Variants in NCAPD3 observed in about 807,000 individuals in gnomAD.
The protein encoded by NCAPD3 is condensin-2 complex subunit D3.
A neutral mutation model predicts 182.9 loss-of-function variants in NCAPD3; 105 were observed. The observed-to-expected ratio is 0.57, with a 90% CI of 0.49 to 0.68. The LOEUF (loss-of-function observed/expected upper bound fraction) is 0.68, where lower values mean the gene tolerates loss of function less well. Ranked by LOEUF, NCAPD3 falls within the 30% of genes least tolerant of loss-of-function variation. NCAPD3 has a pLI of 0.00. For synonymous variants in NCAPD3, 815 were observed against 679.9 expected, an observed-to-expected ratio of 1.20 and a Z score of -3.09; for missense variants, 1,944 against 1,837.0, an observed-to-expected ratio of 1.06 and a Z score of -1.07.
At chr11:134,175,124 G>A (rs1353690267) in intron 24 of NCAPD3, among the ~76,000 whole-genome samples, 1 of 152,198 alleles carries the variant, frequency 6.6e-6, no homozygotes, top group East Asian at 1.9e-4. Flanking sequence ...ACACCCATAT[G>A]TACAAATCCC....
upstream of NCAPD3, chr11:134,224,963 C>T (rs1938408931): frequency 6.7e-6 from 3 of 449,486 alleles, no homozygotes; most frequent in Admixed American, 5.1e-5. Flanking sequence ...GCCGGCTGTC[C>T]GTCGGCGCCC....
Position 134,208,933 on chromosome 11 carries a change from T to C in NCAPD3, c.813A>G (p.Lys271=), listed in dbSNP as rs1937719240. The change falls in exon 7 of 35, where the codon AAA becomes AAG. Residue 271 remains lysine, a synonymous_variant. Transcript: ENST00000534548. ...VTQARALNQA[K]YIPELAYYGL... ...CATAATAAGCCAGTTCTGGTATGTA[T>C]TTTGCTTGGTTAAGAGCTCTAAAAA... The C allele has an allele frequency of 3.1e-6, 5 of 1,610,684 alleles. No individual in the cohort carries two copies. The highest frequency in any genetic ancestry group is 3.4e-6 in the Non-Finnish European group (4 of 1,178,728).
At chr11:134,177,558 A>T in intron 22 of NCAPD3, 101 bp from the exon 23 acceptor site, 2 of 1,040,362 alleles carry the variant, frequency 1.9e-6, no homozygotes, top group Non-Finnish European at 2.8e-6. Context: ...CTATTTCATC[A>T]AAGTTAAAAC....
chr11:134,183,555 G>A (rs570647335), intron 19 of NCAPD3, among the ~76,000 whole-genome samples: 31 of 152,256 alleles, frequency 2.0e-4, no homozygotes, highest in Non-Finnish European at 4.0e-4. Flanking sequence ...GTGACAGAGT[G>A]AGACTCCATC....
At chr11:134,203,948 A>G in intron 10 of NCAPD3, 42 bp from the exon 11 acceptor site, 2 of 1,604,872 alleles carry the variant, frequency 1.2e-6, no homozygotes, top group Non-Finnish European at 1.7e-6. Context: ...AGATAGGAGT[A>G]AGAACCAAAG....
intron 2 of NCAPD3, 87 bp downstream of exon 2, chr11:134,220,485 A>C: frequency 7.4e-7 from 1 of 1,344,258 alleles, no homozygotes. Flanking sequence ...ACTGTACACC[A>C]AGAAAGCTAA....
chr11:134,179,197 T>C (rs1944237944), intron 20 of NCAPD3, among the ~76,000 whole-genome samples: 1 of 152,224 alleles, frequency 6.6e-6, no homozygotes, highest in African/African-American at 2.4e-5. Context: ...TATTAATAAT[T>C]ATTTTGTGAA....
At chr11:134,158,123 A>C in intron 30 of NCAPD3, 56 bp from the exon 31 acceptor site, 6 of 1,579,358 alleles carry the variant, frequency 3.8e-6, no homozygotes, top group Non-Finnish European at 5.2e-6. Context: ...TGCAGAGGTG[A>C]CAGTGCTGCA....
At chr11:134,177,753 C>T (rs1224738800) in intron 22 of NCAPD3, 2 of 378,358 alleles carry the variant, frequency 5.3e-6, no homozygotes, top group African/African-American at 4.1e-5. Flanking sequence ...ATCCCCTTAC[C>T]TGGAAAATGA....
rs777435776 is a variant in NCAPD3, at chr11:134,209,159, A to G, written c.780T>C (p.His260=). ...TNFEPVLHEC[H]VTQARALNQA... is the part of the protein sequence containing the mutation. ...TAATGGCTCACCTGGCTTGTGTAAC[A>G]TGACATTCATGAAGAACTGGCTCAA... The change falls in exon 6 of 35, where the codon CAT becomes CAC. Residue 260 remains histidine (H), a synonymous_variant. Coordinates refer to ENST00000534548, the MANE Select transcript of NCAPD3 (RefSeq NM_015261.3). The G allele has an allele frequency of 1.9e-6, 3 of 1,613,580 alleles. No individual in the cohort carries two copies. In the South Asian group the frequency reaches 3.3e-5, roughly 18 times the overall value.
intron 19 of NCAPD3, among the ~76,000 whole-genome samples, chr11:134,183,434 A>G (rs1944338434): frequency 6.6e-6 from 1 of 152,036 alleles, no homozygotes; most frequent in Non-Finnish European, 1.5e-5. Context: ...TGGGCCTGAT[A>G]GCATGTGCCT....
intron 20 of NCAPD3, among the ~76,000 whole-genome samples, chr11:134,179,950 T>C (rs984300051): frequency 1.3e-5 from 2 of 151,910 alleles, no homozygotes; most frequent in Non-Finnish European, 2.9e-5. Flanking sequence ...AATGAAACTA[T>C]GTATATAGGG....
Position 134,178,709 on chromosome 11 carries a change from C to G in NCAPD3, c.2707G>C (p.Ala903Pro), listed in dbSNP as rs1207215795. The G allele has an allele frequency of 6.2e-7, 1 of 1,604,650 alleles. No individual in the cohort carries two copies. The highest frequency in any genetic ancestry group is 1.7e-5 in the Admixed American group (1 of 59,562). The change falls in exon 22 of 35, where the codon GCG becomes CCG. Residue 903 changes from alanine (A) to proline (P), a missense_variant. Around this residue, in one of 3 missense-constraint regions of NCAPD3, gnomAD observed 1,803 missense variants for 1,674.6 expected, o/e 1.08. Transcript: ENST00000534548. ...PSSQGSSEAP[A>P]SQPPPQVRGS... The stretch of plus-strand genomic sequence containing the variant: ...CTGACCTGGGGGGGTGGCTGAGACG[C>G]TGGGGCCTCACTGCTGCCTTGAGAT...
chr11:134,180,924 T>A (rs1338451358), intron 20 of NCAPD3, among the ~76,000 whole-genome samples, 153 bp downstream of exon 20: 1 of 152,148 alleles, frequency 6.6e-6, no homozygotes, highest in Admixed American at 6.5e-5. Flanking sequence ...GGTTATCAAT[T>A]TAAAAATATC....
chr11:134,217,930 CT>C (rs1938086346), intron 2 of NCAPD3, among the ~76,000 whole-genome samples: 1 of 152,026 alleles, frequency 6.6e-6, no homozygotes. Context: ...AAGACCTTGT[CT>C]CCACAAAAAA....
In NCAPD3 at chr11:134,158,537, TA is replaced by T. The variant is rs774647018; in HGVS notation, c.3868-43del. Reference sequence around the variant, plus strand: ...AGAGTATGTACATTCTAATACTTTTTAAGTTTTCAAAAACGGATATATGATA... The same window carrying T: ...AGAGTATGTACATTCTAATACTTTTTAGTTTTCAAAAACGGATATATGATA... On this transcript the variant is annotated intron_variant, in intron 29 of 34. Coordinates refer to ENST00000534548, the MANE Select transcript of NCAPD3 (RefSeq NM_015261.3). 3 of 1,583,496 alleles carry T rather than the reference TA, an allele frequency of 1.9e-6. No homozygotes were observed. The Admixed American group carries it at 5.1e-5, about 27-fold the overall frequency.
At chr11:134,194,536 C>G (rs1049397645) in intron 14 of NCAPD3, 129 bp downstream of exon 14, 1 of 581,744 alleles carries the variant, frequency 1.7e-6, no homozygotes, top group Non-Finnish European at 2.9e-6. Flanking sequence ...ACAACAGGAT[C>G]AGGGTCAACT....
At position 134,202,879 on chromosome 11, in the gene NCAPD3, T is replaced by A; in HGVS notation, c.1552A>T (p.Asn518Tyr). Reference protein sequence around the residue: ...SAFSYQRQTSNRSEPSGEINI... With the variant: ...SAFSYQRQTSYRSEPSGEINI... ...ATCTCCCCTGAGGGTTCGGAACGGTTAGATGTCTGCCTTTGGTAGGAAAAA... is the reference window on the plus strand; with the variant it reads ...ATCTCCCCTGAGGGTTCGGAACGGTAAGATGTCTGCCTTTGGTAGGAAAAA... The change falls in exon 13 of 35, where the codon AAC (asparagine) becomes TAC (tyrosine). Residue 518 changes from asparagine to tyrosine, a missense_variant. This residue lies in a region of NCAPD3 where 1,803 missense variants were observed against 1,674.6 expected (regional missense o/e 1.08). Coordinates refer to ENST00000534548, the MANE Select transcript of NCAPD3 (RefSeq NM_015261.3). 6.2e-7 allele frequency: 1 copy of A among 1,606,704 alleles called. No homozygotes were observed. Among genetic ancestry groups the A allele is most frequent in the Non-Finnish European group, 8.5e-7 (1 of 1,178,248 alleles).
intron 34 of NCAPD3, 28 bp from the exon 35 acceptor site, chr11:134,153,080 T>C (rs748753094): frequency 3.7e-6 from 6 of 1,611,918 alleles, no homozygotes; most frequent in Non-Finnish European, 4.2e-6. Flanking sequence ...GCAGTCATTC[T>C]GGAACTCAGA....
Sources: gnomAD v4.1 joint callset for allele counts (sites outside exome capture counted in the v4.1 genomes callset) on GRCh38, gnomAD v4.1.1 for gene constraint, gnomAD v4.1.1 regional missense constraint, MANE v1.5 for transcripts, NCBI Gene and HGNC (gene_info 2026-07-23, HGNC 2026-07-21) for gene names.